RABGAP1L: variants seen among roughly 807,000 people sequenced by gnomAD.
RABGAP1L encodes the protein rab GTPase-activating protein 1-like.
In RABGAP1L, 63 loss-of-function variants were observed where a neutral mutation model predicts 137.7. The observed-to-expected ratio is 0.46, with a 90% CI of 0.37 to 0.56. The LOEUF is 0.56. RABGAP1L is among the 20% of genes least tolerant of loss of function. RABGAP1L has a pLI of 0.00. For missense variants in RABGAP1L, 1,095 were observed against 1,244.0 expected, an observed-to-expected ratio of 0.88 and a Z score of 1.80; for synonymous variants, 431 against 433.7, an observed-to-expected ratio of 0.99 and a Z score of 0.08.
At position 174,867,693 on chromosome 1, in the gene RABGAP1L, T is replaced by G. The variant is rs559294887; in HGVS notation, c.2340+55733T>G. Among the ~76,000 whole-genome samples the G allele has an allele frequency of 5.0e-4, 76 of 152,298 alleles. 1 individual carries two copies. The highest frequency in any genetic ancestry group is 1.3e-3 in the African/African-American group (56 of 41,572). ...CAGAGTCTTGCTCTGTCACCCAGGC[T>G]GGACTGCAGTGACGTGATCTCAGCT... On this transcript the variant is annotated intron_variant, in intron 19 of 25. Coordinates refer to ENST00000681986, the MANE Select transcript of RABGAP1L (RefSeq NM_001366446.1).
At chr1:174,804,212 T>C (rs1689026751) in intron 18 of RABGAP1L, among the ~76,000 whole-genome samples, 2 of 151,928 alleles carry the variant, frequency 1.3e-5, no homozygotes, top group African/African-American at 4.8e-5. Flanking sequence ...TGACTTTGCT[T>C]ATATTCAAAA....
intron 13 of RABGAP1L, among the ~76,000 whole-genome samples, chr1:174,553,321 G>T (rs1462222349): frequency 6.6e-6 from 1 of 152,156 alleles, no homozygotes; most frequent in African/African-American, 2.4e-5. Context: ...ACCGCAAATG[G>T]TATTGCCTAG....
intron 13 of RABGAP1L, among the ~76,000 whole-genome samples, chr1:174,409,635 G>A (rs953976137): frequency 5.9e-5 from 9 of 152,058 alleles, no homozygotes; most frequent in Non-Finnish European, 1.0e-4. Flanking sequence ...GGAAGATATC[G>A]CTGAATTCTT....
At position 174,221,072 on chromosome 1, in the gene RABGAP1L, C is replaced by T; in HGVS notation, c.239C>T (p.Ser80Phe). The T allele has an allele frequency of 6.2e-7, 1 of 1,613,890 alleles. No homozygotes were observed. Among genetic ancestry groups the T allele is most frequent in the African/African-American group, 1.3e-5 (1 of 74,994 alleles). Residue 80 changes from serine (S) to phenylalanine (F), a missense_variant, in exon 3 of 26, where the codon TCC (serine) becomes TTC (phenylalanine). By Grantham distance (155) the Ser-to-Phe change is radical (BLOSUM62 -2). This residue lies in a region of RABGAP1L where 356 missense variants were observed against 326.3 expected (regional missense o/e 1.09). Coordinates refer to ENST00000681986, the MANE Select transcript of RABGAP1L (RefSeq NM_001366446.1). ...PSSLLVDCQS[S>F]SEISDHSFGD... is the part of the protein sequence containing the mutation. ...AGTCTTCTTGTTGATTGTCAAAGTT[C>T]CAGTGAGATTTCAGACCATTCGTTT... is the stretch of plus-strand genomic sequence containing the variant.
At chr1:174,189,301 G>A (rs973441538) in intron 1 of RABGAP1L, among the ~76,000 whole-genome samples, 2 of 152,090 alleles carry the variant, frequency 1.3e-5, no homozygotes, top group East Asian at 1.9e-4. Context: ...CACGACGCCC[G>A]GCAGATAGCA....
At chr1:174,679,705 T>G (rs1253724102) in intron 14 of RABGAP1L, among the ~76,000 whole-genome samples, 1 of 152,194 alleles carries the variant, frequency 6.6e-6, no homozygotes. Context: ...TGGAGAGAGA[T>G]ATATCAGGTT....
At chr1:174,546,833 A>G (rs917299403) in intron 13 of RABGAP1L, among the ~76,000 whole-genome samples, 1 of 151,718 alleles carries the variant, frequency 6.6e-6, no homozygotes, top group African/African-American at 2.4e-5. Flanking sequence ...GATCGAGACC[A>G]TCCTGGCTAA....
intron 18 of RABGAP1L, among the ~76,000 whole-genome samples, chr1:174,754,716 G>C (rs1684591039): frequency 6.6e-6 from 1 of 152,064 alleles, no homozygotes; most frequent in Admixed American, 6.6e-5. Context: ...TGCTCAGGCT[G>C]GTCTCAAACT....
chr1:174,583,165 T>G (rs1330729293), intron 13 of RABGAP1L, among the ~76,000 whole-genome samples: 1 of 152,208 alleles, frequency 6.6e-6, no homozygotes, highest in Non-Finnish European at 1.5e-5. Flanking sequence ...GTTAGCAAAC[T>G]ATACTTTGTC....
chr1:174,784,558 A>G (rs1687309792), intron 18 of RABGAP1L, among the ~76,000 whole-genome samples: 1 of 152,092 alleles, frequency 6.6e-6, no homozygotes, highest in Admixed American at 6.6e-5. Flanking sequence ...GTAATGTTTT[A>G]TTTTGTAAAG....
chr1:174,866,294 T>A (rs2981894), intron 19 of RABGAP1L, among the ~76,000 whole-genome samples: 88,127 of 152,068 alleles, frequency 0.58, 27,864 homozygotes, highest in African/African-American at 0.85. Context: ...CATAAAAAAT[T>A]AACTGTCATT....
At chr1:174,935,076 A>G (rs949610200) in intron 19 of RABGAP1L, 1 of 152,222 alleles carries the variant, frequency 6.6e-6, no homozygotes, top group Non-Finnish European at 1.5e-5. Flanking sequence ...CCTGGGTCAG[A>G]TGTGTCCTGT....
At chr1:174,490,555 G>A (rs910450319) in intron 13 of RABGAP1L, among the ~76,000 whole-genome samples, 2 of 152,088 alleles carry the variant, frequency 1.3e-5, no homozygotes, top group African/African-American at 4.8e-5. Context: ...TCTCACTCAA[G>A]GCCCAGTATA....
intron 19 of RABGAP1L, among the ~76,000 whole-genome samples, chr1:174,908,411 T>A (rs1018339300): frequency 3.3e-5 from 5 of 151,934 alleles, no homozygotes; most frequent in Non-Finnish European, 7.4e-5. Flanking sequence ...ACAAAACAAA[T>A]CTGAACATAT....
intron 13 of RABGAP1L, among the ~76,000 whole-genome samples, chr1:174,457,793 G>A (rs1213157951): frequency 6.6e-6 from 1 of 152,120 alleles, no homozygotes; most frequent in African/African-American, 2.4e-5. Flanking sequence ...GAGCCACCAT[G>A]CCTGGCTTTA....
chr1:174,635,023 T>TA (rs1051159257), intron 13 of RABGAP1L, among the ~76,000 whole-genome samples: 6 of 146,368 alleles, frequency 4.1e-5, no homozygotes, highest in African/African-American at 1.3e-4. Flanking sequence ...CCCTAAAACT[T>TA]AAAGTATAAT....
At chr1:174,349,446 C>T (rs1385319663) in intron 11 of RABGAP1L, among the ~76,000 whole-genome samples, 11 of 127,270 alleles carry the variant, frequency 8.6e-5, no homozygotes, top group Admixed American at 1.5e-4. Flanking sequence ...GGCGGCTGGC[C>T]GGGCGTGGGG....
chr1:174,490,758 T>C (rs943295456), intron 13 of RABGAP1L, among the ~76,000 whole-genome samples: 32 of 152,262 alleles, frequency 2.1e-4, no homozygotes, highest in Non-Finnish European at 3.8e-4. Context: ...TGTTCCATTG[T>C]ACTGTGCCTG....
intron 17 of RABGAP1L, among the ~76,000 whole-genome samples, chr1:174,708,228 T>G (rs1015812921): frequency 6.6e-6 from 1 of 152,226 alleles, no homozygotes; most frequent in Non-Finnish European, 1.5e-5. Flanking sequence ...AGTTGTTATC[T>G]GAAGAGTAGA....
Sources: allele counts gnomAD v4.1 joint callset (sites outside exome capture counted in the v4.1 genomes callset), GRCh38; gene constraint gnomAD v4.1.1; regional missense constraint gnomAD v4.1.1; transcripts MANE v1.5; gene names NCBI Gene and HGNC (gene_info 2026-07-23, HGNC 2026-07-21).